RBM47: variants seen among roughly 807,000 people sequenced by gnomAD.
RBM47 encodes RNA binding motif protein 47.
RBM47 carries 21 observed loss-of-function variants against 47.1 expected under a neutral mutation model. That is an observed-to-expected ratio of 0.45 (90% CI 0.32 to 0.64). The LOEUF is 0.64. Among genes scored for constraint, RBM47 ranks in the 30% least tolerant of loss-of-function variants. The probability of loss-of-function intolerance (pLI) is 0.05; values close to 1 mark genes in which losing one functional copy is unlikely to be tolerated. For missense variants in RBM47, 708 were observed against 870.9 expected (o/e 0.81, Z 2.35); for synonymous variants, 375 against 361.7 (o/e 1.04, Z -0.42).
At chr4:40,612,686 G>A (rs1034359648) in intron 1 of RBM47, among the ~76,000 whole-genome samples, 2 of 152,220 alleles carry the variant, frequency 1.3e-5, no homozygotes, top group African/African-American at 4.8e-5. Flanking sequence ...GGTCATCAGA[G>A]AATGTCCAAG....
intron 1 of RBM47, among the ~76,000 whole-genome samples, chr4:40,554,503 T>A (rs923229424): frequency 2.0e-5 from 3 of 152,066 alleles, no homozygotes; most frequent in Non-Finnish European, 1.5e-5. Flanking sequence ...GTTTACTTTA[T>A]GAAAGCTCAC....
chr4:40,449,733 C>T (rs1367858605), intron 3 of RBM47, among the ~76,000 whole-genome samples: 2 of 152,174 alleles, frequency 1.3e-5, no homozygotes, highest in East Asian at 3.8e-4. Flanking sequence ...GGCTGGAGTG[C>T]AGTGGCGCCA....
At chr4:40,625,570 G>C (rs926409566) in intron 1 of RBM47, among the ~76,000 whole-genome samples, 16 of 152,082 alleles carry the variant, frequency 1.1e-4, no homozygotes, top group Non-Finnish European at 2.4e-4. Context: ...CATAGCGTCT[G>C]GGAACGGGTT....
intron 2 of RBM47, among the ~76,000 whole-genome samples, chr4:40,487,756 T>TA (rs1009865544): frequency 9.0e-5 from 13 of 144,976 alleles, no homozygotes; most frequent in Non-Finnish European, 1.6e-4. Context: ...ATTAATATAT[T>TA]ATTGATTATT....
intron 3 of RBM47, among the ~76,000 whole-genome samples, chr4:40,450,415 G>A (rs1372698762): frequency 3.3e-5 from 5 of 151,562 alleles, no homozygotes; most frequent in African/African-American, 1.2e-4. Flanking sequence ...CCAACATAGT[G>A]AAACTCTGTC....
chr4:40,481,579 T>A (rs936963757), intron 2 of RBM47, among the ~76,000 whole-genome samples: 2 of 145,620 alleles, frequency 1.4e-5, no homozygotes, highest in Non-Finnish European at 3.0e-5. Context: ...TTTGACGGAG[T>A]CTCGCTCTGT....
At chr4:40,610,075 A>C (rs1330190713) in intron 1 of RBM47, among the ~76,000 whole-genome samples, 3 of 151,342 alleles carry the variant, frequency 2.0e-5, no homozygotes, top group Non-Finnish European at 4.4e-5. Flanking sequence ...TGGGTGCCAA[A>C]AGTGAAACTC....
At chr4:40,568,560 G>A (rs1731330050) in intron 1 of RBM47, among the ~76,000 whole-genome samples, 1 of 147,878 alleles carries the variant, frequency 6.8e-6, no homozygotes, top group Non-Finnish European at 1.5e-5. Context: ...AAAAACAAAA[G>A]CAAACGAACA....
intron 1 of RBM47, among the ~76,000 whole-genome samples, chr4:40,551,640 C>T (rs1262706033): frequency 1.3e-5 from 2 of 149,038 alleles, no homozygotes; most frequent in African/African-American, 5.0e-5. Flanking sequence ...AATCAAATAG[C>T]GTACTTTTCT....
At chr4:40,436,203 C>A (rs138670702) in intron 5 of RBM47, among the ~76,000 whole-genome samples, 14,297 of 138,732 alleles carry the variant, frequency 0.1, 846 homozygotes, top group Admixed American at 0.14. Flanking sequence ...AACAAACAAA[C>A]AAAAAAAAAC....
At chr4:40,437,146 T>TAA (rs1424721637) in intron 4 of RBM47, among the ~76,000 whole-genome samples, 1 of 57,342 alleles carries the variant, frequency 1.7e-5, no homozygotes, top group Non-Finnish European at 3.8e-5. Context: ...TACATATATA[T>TAA]ATATAAAATA....
chr4:40,600,043 T>C (rs980625138), intron 1 of RBM47, among the ~76,000 whole-genome samples: 4 of 152,098 alleles, frequency 2.6e-5, no homozygotes, highest in Admixed American at 1.3e-4. Context: ...GGCCTCACTC[T>C]GTTGCCCAGG....
intron 1 of RBM47, among the ~76,000 whole-genome samples, chr4:40,550,410 G>A (rs150887150): frequency 6.6e-6 from 1 of 152,138 alleles, no homozygotes; most frequent in East Asian, 1.9e-4. Context: ...GAAAATGTGG[G>A]AAGTTTATCA....
intron 1 of RBM47, among the ~76,000 whole-genome samples, chr4:40,591,322 T>C (rs1734115479): frequency 6.6e-6 from 1 of 152,134 alleles, no homozygotes; most frequent in Non-Finnish European, 1.5e-5. Context: ...TTGTATACTT[T>C]AAAATAGTTA....
intron 2 of RBM47, among the ~76,000 whole-genome samples, chr4:40,472,169 T>C (rs1718984283): frequency 6.6e-6 from 1 of 152,140 alleles, no homozygotes; most frequent in Non-Finnish European, 1.5e-5. Flanking sequence ...ATCCTAGAGT[T>C]CCACACCCAA....
intron 1 of RBM47, among the ~76,000 whole-genome samples, chr4:40,615,036 G>A (rs1560506557): frequency 6.6e-6 from 1 of 152,018 alleles, no homozygotes; most frequent in Non-Finnish European, 1.5e-5. Flanking sequence ...TGAGGCAGAA[G>A]GATCGTTTGA....
At chr4:40,433,767 TA>T (rs3839123) in intron 5 of RBM47, among the ~76,000 whole-genome samples, 26,337 of 151,352 alleles carry the variant, frequency 0.17, 2,307 homozygotes, top group Non-Finnish European at 0.2. Context: ...AAACACATGG[TA>T]AAAAAAAATA....
chr4:40,582,015 G>A (rs1048057380), intron 1 of RBM47, among the ~76,000 whole-genome samples: 10 of 151,958 alleles, frequency 6.6e-5, no homozygotes, highest in South Asian at 2.1e-4. Flanking sequence ...CCAGAATCCC[G>A]GTTGGCGCCT....
intron 3 of RBM47, among the ~76,000 whole-genome samples, chr4:40,448,897 A>G (rs1714964960): frequency 6.6e-6 from 1 of 151,886 alleles, no homozygotes; most frequent in Non-Finnish European, 1.5e-5. Flanking sequence ...GTAAAGGAAG[A>G]TGTTGCCCCA....
Sources: gnomAD v4.1 joint callset for allele counts (sites outside exome capture counted in the v4.1 genomes callset) on GRCh38, gnomAD v4.1.1 for gene constraint, MANE v1.5 for transcripts, NCBI Gene and HGNC (gene_info 2026-07-23, HGNC 2026-07-21) for gene names.